The following DET1 variants were observed in gnomAD, a reference collection of about 807,000 sequenced individuals.
The protein encoded by DET1 is DET1 partner of COP1 E3 ubiquitin ligase, also known as DET1 homolog.
In DET1, 22 loss-of-function variants were observed where a neutral mutation model predicts 43.7. The ratio of observed to expected loss-of-function variants is 0.50; its 90% CI spans 0.36 to 0.72. The LOEUF (loss-of-function observed/expected upper bound fraction) is 0.72, where lower values mean the gene tolerates loss of function less well. Among genes scored for constraint, DET1 ranks in the 30% least tolerant of loss-of-function variants. The pLI is 0.00. For missense variants in DET1, 713 were observed against 713.3 expected (o/e 1.00, Z 0.00); for synonymous variants, 315 against 266.2 (o/e 1.18, Z -1.79).
At chr15:88,527,387 C>T (rs1404956486) in intron 3 of DET1, among the ~76,000 whole-genome samples, 1 of 152,216 alleles carries the variant, frequency 6.6e-6, no homozygotes, top group Non-Finnish European at 1.5e-5. Context: ...CTGCAGCTCA[C>T]ATGCAGTCTA....
At position 88,531,675 on chromosome 15, in the gene DET1, G is replaced by A. The variant is rs2056819286; in HGVS notation, c.31C>T (p.Arg11Ter). MDHHVSTIKP[R>*]RIQNQNVIHR... ...ATGACATTTTGGTTTTGGATTCTTC[G>A]AGGCTTGATGGTAGAAACATGATGA... is the stretch of plus-strand genomic sequence containing the variant. The change falls in exon 2 of 5, where the codon CGA (arginine) becomes TGA (stop). Residue 11 changes from arginine to a stop codon, truncating the protein, a stop_gained. Transcript: ENST00000268148. LOFTEE classifies it high-confidence loss of function. This position sits in a 1 kb window ranked among gnomAD's most constrained non-coding sequence, Gnocchi z 6.2. The A allele has an allele frequency of 1.2e-6, 2 of 1,610,824 alleles. No homozygotes were observed. Among genetic ancestry groups the A allele is most frequent in the Non-Finnish European group, 1.7e-6 (2 of 1,177,176 alleles).
chr15:88,542,321 G>A (rs543953188), intron 1 of DET1, among the ~76,000 whole-genome samples: 2 of 152,110 alleles, frequency 1.3e-5, no homozygotes, highest in African/African-American at 2.4e-5. Flanking sequence ...GGTGGAAGGA[G>A]AGCCTTGGAC....
In DET1 at chr15:88,531,550, A is replaced by G; in HGVS notation, c.156T>C (p.Val52=). 14 of 1,614,004 alleles carry G rather than the reference A, an allele frequency of 8.7e-6. No individual in the cohort carries two copies. The highest frequency in any genetic ancestry group is 1.3e-5 in the African/African-American group (1 of 75,046). ...AACAAGGAGGCTTTTCAACGTTGAC[A>G]ACTGTGAAGTTGGGGAAGACATTCT... The part of the protein sequence containing the change: ...FHQNVFPNFT[V]VNVEKPPCFL... Residue 52 remains valine, a synonymous_variant, in exon 2 of 5, where the codon GTT becomes GTC. Transcript: ENST00000268148. This position sits in a 1 kb window ranked among gnomAD's most constrained non-coding sequence, Gnocchi z 6.2.
intron 1 of DET1, among the ~76,000 whole-genome samples, chr15:88,535,613 G>A (rs187135787): frequency 3.4e-4 from 52 of 151,942 alleles, no homozygotes; most frequent in African/African-American, 9.4e-4. Flanking sequence ...AAAAGTAGCC[G>A]GGCACAGTGG....
intron 3 of DET1, among the ~76,000 whole-genome samples, chr15:88,517,892 TAACAG>T (rs1233940532): frequency 6.7e-6 from 1 of 149,374 alleles, no homozygotes; most frequent in African/African-American, 2.6e-5. Context: ...TTGAAAATAA[TAACAG>T]AACAGTTATT....
chr15:88,544,242 A>G (rs930242978), intron 1 of DET1, among the ~76,000 whole-genome samples: 23 of 152,206 alleles, frequency 1.5e-4, no homozygotes, highest in Non-Finnish European at 2.1e-4. Flanking sequence ...GGTAGAACAC[A>G]TGAACCGCAC....
chr15:88,529,043 A>G (rs528463732), intron 2 of DET1, among the ~76,000 whole-genome samples: 1 of 152,356 alleles, frequency 6.6e-6, no homozygotes, highest in African/African-American at 2.4e-5. Context: ...GTTTAGAGTT[A>G]CAAACTGTGT....
chr15:88,537,766 C>T lies in DET1; in HGVS notation c.-10-6051G>A, dbSNP rs574110906. On this transcript the variant is annotated intron_variant, in intron 1 of 4. Coordinates refer to ENST00000268148, the MANE Select transcript of DET1 (RefSeq NM_001144074.3). The stretch of plus-strand genomic sequence containing the variant: ...ACGGGAAGTTCTGTGTCAACTCAGG[C>T]ATCCACAGGGACTATTCCCTCTGCC... 3.3e-5 allele frequency among the ~76,000 whole-genome samples: 5 copies of T among 152,304 alleles called. No homozygotes were observed. In the South Asian group the frequency reaches 6.2e-4, roughly 19 times the overall value.
intron 3 of DET1, among the ~76,000 whole-genome samples, chr15:88,522,300 C>G (rs140126945): frequency 2.0e-5 from 3 of 151,574 alleles, no homozygotes; most frequent in African/African-American, 4.9e-5. Flanking sequence ...GGGAATCTAT[C>G]CCATTATTTC....
intron 1 of DET1, among the ~76,000 whole-genome samples, chr15:88,541,908 A>C (rs1373217516): frequency 6.6e-6 from 1 of 152,106 alleles, no homozygotes; most frequent in Non-Finnish European, 1.5e-5. Flanking sequence ...CTCACCGCCC[A>C]ATTGCCTCCC....
chr15:88,538,005 C>G (rs901930716), intron 1 of DET1, among the ~76,000 whole-genome samples: 5 of 152,318 alleles, frequency 3.3e-5, no homozygotes, highest in Non-Finnish European at 7.3e-5. Flanking sequence ...CCTGTACTCT[C>G]CAGACAGGAA....
At chr15:88,525,827 A>ACT (rs763282383) in intron 3 of DET1, among the ~76,000 whole-genome samples, 1 of 90,698 alleles carries the variant, frequency 1.1e-5, no homozygotes, top group Non-Finnish European at 2.1e-5. Flanking sequence ...ACACTCGGCT[A>ACT]TTTTTTTTTT....
At chr15:88,508,160 T>G (rs2056161977), downstream of DET1, among the ~76,000 whole-genome samples, 1 of 152,318 alleles carries the variant, frequency 6.6e-6, no homozygotes, top group African/African-American at 2.4e-5. Context: ...TCCCACTGAT[T>G]CTACATTATG....
At chr15:88,513,944 C>A (rs955827966) in intron 4 of DET1, among the ~76,000 whole-genome samples, 1 of 149,814 alleles carries the variant, frequency 6.7e-6, no homozygotes, top group South Asian at 2.1e-4. Flanking sequence ...GGACTACAGG[C>A]GCCCGCTACC....
downstream of DET1, among the ~76,000 whole-genome samples, chr15:88,512,154 C>T (rs554628574): frequency 2.0e-5 from 3 of 152,338 alleles, no homozygotes; most frequent in Non-Finnish European, 2.9e-5. Flanking sequence ...ACGTGCTACA[C>T]AGTATTTGTT....
At chr15:88,527,161 T>C (rs1335437599) in intron 3 of DET1, among the ~76,000 whole-genome samples, 1 of 152,258 alleles carries the variant, frequency 6.6e-6, no homozygotes, top group Non-Finnish European at 1.5e-5. Context: ...CAAAGAGTTC[T>C]ATACTTTGTT....
chr15:88,524,076 C>T (rs1314755561), intron 3 of DET1, among the ~76,000 whole-genome samples: 15 of 150,196 alleles, frequency 1.0e-4, no homozygotes, highest in Admixed American at 5.9e-4. Context: ...ATGTGGGGAG[C>T]GCTTCTGCCC....
At chr15:88,522,403 C>T (rs2142280400) in intron 3 of DET1, among the ~76,000 whole-genome samples, 1 of 151,388 alleles carries the variant, frequency 6.6e-6, no homozygotes, top group Non-Finnish European at 1.5e-5. Flanking sequence ...TGTTTCTCTT[C>T]TAGGTCCCTT....
downstream of DET1, among the ~76,000 whole-genome samples, chr15:88,511,995 T>A (rs1392989635): frequency 6.6e-6 from 1 of 152,206 alleles, no homozygotes; most frequent in Non-Finnish European, 1.5e-5. Flanking sequence ...ATAAACAGGC[T>A]GGCAAGAGTT....
Sources: gnomAD v4.1 joint callset for allele counts (sites outside exome capture counted in the v4.1 genomes callset) on GRCh38, gnomAD v4.1.1 for gene constraint, Gnocchi (gnomAD v3.1) non-coding constraint, MANE v1.5 for transcripts, NCBI Gene and HGNC (gene_info 2026-07-23, HGNC 2026-07-21) for gene names.